DLG1: variants seen among roughly 807,000 people sequenced by gnomAD.
DLG1 encodes the protein disks large homolog 1.
In DLG1, 42 loss-of-function variants were observed where a neutral mutation model predicts 123.4. The observed-to-expected ratio is 0.34, with a 90% CI of 0.27 to 0.44. The LOEUF (loss-of-function observed/expected upper bound fraction) is 0.44, where lower values mean the gene tolerates loss of function less well. DLG1 is among the 20% of genes least tolerant of loss of function. DLG1 has a pLI of 1.00. For missense variants in DLG1, 942 were observed against 1,082.6 expected (o/e 0.87, Z 1.82); for synonymous variants, 317 against 356.2 (o/e 0.89, Z 1.24).
chr3:197,140,744 T>G (rs994816179), intron 7 of DLG1, among the ~76,000 whole-genome samples: 6 of 152,338 alleles, frequency 3.9e-5, no homozygotes, highest in Admixed American at 2.6e-4. Context: ...TTCTGCTAAC[T>G]TGACATCAGC....
intron 4 of DLG1, among the ~76,000 whole-genome samples, chr3:197,263,582 T>G (rs931608386): frequency 3.3e-5 from 5 of 151,806 alleles, no homozygotes; most frequent in Non-Finnish European, 4.4e-5. Flanking sequence ...AGGTCCGGAG[T>G]TCGAGACCAG....
chr3:197,095,851 A>T (rs953208113), intron 14 of DLG1, among the ~76,000 whole-genome samples: 1 of 152,124 alleles, frequency 6.6e-6, no homozygotes, highest in African/African-American at 2.4e-5. Context: ...ATTGCTCCTG[A>T]TTTGGCCAGT....
chr3:197,245,623 T>C (rs1355113636), intron 4 of DLG1, among the ~76,000 whole-genome samples: 1 of 152,126 alleles, frequency 6.6e-6, no homozygotes, highest in East Asian at 1.9e-4. Context: ...AGACAAAACC[T>C]CCCTCATGAG....
Position 197,142,755 on chromosome 3 carries a change from T to A in DLG1, c.551A>T (p.Asp184Val). ...LETPTYVNGT[D>V]ADYEYEEITL... Reference sequence around the variant, plus strand: ...GATTTCTTCATATTCATAATCTGCATCTGTGCCATTAACCTACAGGGGAAA... The same window carrying A: ...GATTTCTTCATATTCATAATCTGCAACTGTGCCATTAACCTACAGGGGAAA... Residue 184 changes from aspartate (D) to valine (V), a missense_variant, in exon 7 of 25, where the codon GAT becomes GTT. Asp to Val is a radical substitution (Grantham distance 152). Transcript: ENST00000667157. The A allele has an allele frequency of 6.2e-7, 1 of 1,609,214 alleles. No individual in the cohort carries two copies. Among genetic ancestry groups the A allele is most frequent in the Middle Eastern group, 1.7e-4 (1 of 6,052 alleles).
At chr3:197,114,638 T>C (rs370355510) in intron 13 of DLG1, among the ~76,000 whole-genome samples, 8 of 152,310 alleles carry the variant, frequency 5.3e-5, no homozygotes, top group African/African-American at 1.9e-4. Context: ...CTTTTTACAA[T>C]GACTAGGGAG....
At chr3:197,229,454 TA>T (rs35520172) in intron 4 of DLG1, among the ~76,000 whole-genome samples, 51,207 of 121,176 alleles carry the variant, frequency 0.42, 11,246 homozygotes, top group East Asian at 0.76. Flanking sequence ...GCCTGTCTCT[TA>T]AAAAAAAAAA....
chr3:197,242,911 T>G lies in DLG1; in HGVS notation c.318+39768A>C, dbSNP rs893430561. The stretch of plus-strand genomic sequence containing the variant: ...AGACCAGGAGTTCAAGATCCTGCAG[T>G]CTGGACATGCCTGTAGTCCCAGCTG... On this transcript the variant is annotated intron_variant, in intron 4 of 24. Transcript: ENST00000667157. Among the ~76,000 whole-genome samples, 7 of 152,232 alleles carry G rather than the reference T, an allele frequency of 4.6e-5. No individual in the cohort carries two copies. The East Asian group carries it at 1.2e-3, about 25-fold the overall frequency.
intron 3 of DLG1, among the ~76,000 whole-genome samples, chr3:197,289,513 G>A (rs1204890021): frequency 2.6e-5 from 4 of 152,126 alleles, no homozygotes; most frequent in Non-Finnish European, 4.4e-5. Context: ...AATTTATTTT[G>A]GAGGGTTACA....
intron 11 of DLG1, among the ~76,000 whole-genome samples, chr3:197,120,049 C>G (rs1775450739): frequency 6.6e-6 from 1 of 152,140 alleles, no homozygotes; most frequent in Admixed American, 6.5e-5. Context: ...CACCTGAGGT[C>G]AGGAGTTCGC....
At chr3:197,203,730 A>G (rs1369910199) in intron 4 of DLG1, among the ~76,000 whole-genome samples, 2 of 152,244 alleles carry the variant, frequency 1.3e-5, no homozygotes, top group African/African-American at 4.8e-5. Context: ...TTATCCTTTC[A>G]AGAGCAAAAC....
chr3:197,245,313 T>C (rs1348828335), intron 4 of DLG1, among the ~76,000 whole-genome samples: 1 of 152,146 alleles, frequency 6.6e-6, no homozygotes, highest in Non-Finnish European at 1.5e-5. Flanking sequence ...TTGTTGGTGG[T>C]TGCACTTGAA....
At position 197,149,777 on chromosome 3, in the gene DLG1, A is replaced by G; in HGVS notation, c.503T>C (p.Leu168Pro). Residue 168 changes from leucine to proline, a missense_variant, in exon 6 of 25, where the codon CTG (leucine) becomes CCG (proline). Transcript: ENST00000667157. The part of the protein sequence containing the change: ...SPIKANPPPV[L>P]VNTDSLETPT... ...TGTTTCCAAGCTATCTGTGTTGACC[A>G]GTACTGGGGGAGGATTTGCCTTTAA... The G allele has an allele frequency of 1.9e-6, 3 of 1,599,230 alleles. No individual in the cohort carries two copies. The highest frequency in any genetic ancestry group is 2.6e-6 in the Non-Finnish European group (3 of 1,168,126).
Position 197,119,407 on chromosome 3 carries a change from T to C in DLG1, c.1286+3A>G, listed in dbSNP as rs1477892913. 4.4e-6 allele frequency: 7 copies of C among 1,596,426 alleles called. No individual in the cohort carries two copies. The highest frequency in any genetic ancestry group is 1.3e-5 in the African/African-American group (1 of 74,378). The stretch of plus-strand genomic sequence containing the variant: ...TAAGAAGGATAAATGTTAACTTCCT[T>C]ACCTTGTAATTTCATCATCTCCAAG... On this transcript the variant is annotated splice_donor_region_variant and intron_variant, in intron 12 of 24. Coordinates refer to ENST00000667157, the MANE Select transcript of DLG1 (RefSeq NM_001366207.1).
chr3:197,160,748 G>A (rs1798461961), intron 5 of DLG1, among the ~76,000 whole-genome samples: 1 of 152,096 alleles, frequency 6.6e-6, no homozygotes, highest in Non-Finnish European at 1.5e-5. Flanking sequence ...AATAATCACA[G>A]CTGATATATC....
intron 11 of DLG1, among the ~76,000 whole-genome samples, chr3:197,128,157 T>G (rs901657041): frequency 2.0e-5 from 3 of 152,236 alleles, no homozygotes; most frequent in African/African-American, 4.8e-5. Context: ...TTACCCACAG[T>G]AGAACTTCTT....
chr3:197,140,145 T>C lies in DLG1; in HGVS notation c.708A>G (p.Arg236=), dbSNP rs1277764932. ...ATAAAAAGCGCAAAACATACCGCAATCTTCCATCTTGGGCGGCTGCTCCCC... is the reference window on the plus strand; with the variant it reads ...ATAAAAAGCGCAAAACATACCGCAACCTTCCATCTTGGGCGGCTGCTCCCC... The part of the protein sequence containing the change: ...ITGGAAAQDG[R]LRVNDCILRV... Residue 236 remains arginine, a synonymous_variant, in exon 8 of 25, where the codon AGA becomes AGG. Coordinates refer to ENST00000667157, the MANE Select transcript of DLG1 (RefSeq NM_001366207.1). 1 of 1,612,552 alleles carries C rather than the reference T, an allele frequency of 6.2e-7. No individual in the cohort carries two copies. Among genetic ancestry groups the C allele is most frequent in the East Asian group, 2.2e-5 (1 of 44,868 alleles).
intron 3 of DLG1, among the ~76,000 whole-genome samples, chr3:197,288,743 A>AAAAAAAAAAAAACATACATAC (rs1553827364): frequency 2.8e-5 from 2 of 72,078 alleles, no homozygotes; most frequent in Non-Finnish European, 4.8e-5. Context: ...AAAAAAAAAA[A>AAAAAAAAAAAAACATACATAC]ATACATACAT....
intron 12 of DLG1, among the ~76,000 whole-genome samples, chr3:197,117,565 C>T (rs545060375): frequency 6.6e-6 from 1 of 152,172 alleles, no homozygotes; most frequent in Non-Finnish European, 1.5e-5. Context: ...GTGAAATAGG[C>T]CAGTCACAAA....
chr3:197,139,075 C>T (rs565243521), intron 8 of DLG1, among the ~76,000 whole-genome samples: 8 of 152,178 alleles, frequency 5.3e-5, no homozygotes, highest in African/African-American at 1.9e-4. Context: ...TCAAAGGTTT[C>T]GTAGGTAAAG....
Sources: allele counts gnomAD v4.1 joint callset (sites outside exome capture counted in the v4.1 genomes callset), GRCh38; gene constraint gnomAD v4.1.1; transcripts MANE v1.5; gene names NCBI Gene and HGNC (gene_info 2026-07-23, HGNC 2026-07-21).